Variants in PRSS23 observed in about 807,000 individuals in gnomAD.
PRSS23 encodes the protein serine protease 23.
Under a neutral mutation model 34.7 loss-of-function variants are expected in PRSS23, and 25 were observed. The observed-to-expected ratio is 0.72, with a 90% CI of 0.53 to 1.01. The LOEUF (loss-of-function observed/expected upper bound fraction) is 1.01, where lower values mean the gene tolerates loss of function less well. Among genes scored for constraint, PRSS23 ranks in the 50% least tolerant of loss-of-function variants. The pLI, the probability that PRSS23 is intolerant of heterozygous loss-of-function variation, is 0.00. For missense variants in PRSS23, 445 were observed against 475.6 expected (o/e 0.94, Z 0.60); for synonymous variants, 176 against 186.6 (o/e 0.94, Z 0.46).
At position 86,879,627 on chromosome 11, in the gene PRSS23, G is replaced by A. The variant is rs1229137647; in HGVS notation, c.206+56034G>A. ...TCTGCCCGGCCGCCCCTACTGGGAAGTGAGGAGCCCCTCTGCCCGGCCAGC... is the reference window on the plus strand; with the variant it reads ...TCTGCCCGGCCGCCCCTACTGGGAAATGAGGAGCCCCTCTGCCCGGCCAGC... On this transcript the variant is annotated intron_variant, in intron 2 of 2. Transcript: ENST00000533902. Among the ~76,000 whole-genome samples, 734 of 136,734 alleles carry A rather than the reference G, an allele frequency of 5.4e-3. 6 individuals carry two copies. Among genetic ancestry groups the A allele is most frequent in the African/African-American group, 0.018 (666 of 37,418 alleles). The allele number at this position is 136,734 out of a possible 152,430, so 89.7% of individuals were successfully genotyped here.
chr11:86,939,433 A>AAAAT (rs1565392858), intron 2 of PRSS23, among the ~76,000 whole-genome samples: 1 of 48,106 alleles, frequency 2.1e-5, no homozygotes, highest in Admixed American at 2.5e-4. Flanking sequence ...TATATTTTTT[A>AAAAT]ACATGAGTAA....
chr11:86,819,075 CT>C (rs1387137591), intron 1 of PRSS23, among the ~76,000 whole-genome samples: 1 of 152,142 alleles, frequency 6.6e-6, no homozygotes, highest in Non-Finnish European at 1.5e-5. Context: ...GAGTCCCATG[CT>C]CTCACCCATA....
chr11:86,950,763 T>C (rs1384151516), intron 2 of PRSS23: 6 of 292,250 alleles, frequency 2.1e-5, no homozygotes, highest in African/African-American at 6.4e-5. Flanking sequence ...AAAGTTAATA[T>C]TTCTCCCTGC....
At chr11:86,856,856 T>C (rs1355258705) in intron 2 of PRSS23, among the ~76,000 whole-genome samples, 1 of 152,196 alleles carries the variant, frequency 6.6e-6, no homozygotes, top group East Asian at 1.9e-4. Flanking sequence ...GATTCAGTCA[T>C]GATGTTTATG....
chr11:86,853,377 C>T (rs1383331997), intron 2 of PRSS23, among the ~76,000 whole-genome samples: 2 of 150,316 alleles, frequency 1.3e-5, no homozygotes, highest in Non-Finnish European at 1.5e-5. Context: ...CCTCAGCCTC[C>T]GGAGTAGCTG....
chr11:86,839,056 TA>T (rs36015483), intron 2 of PRSS23, among the ~76,000 whole-genome samples: 4,830 of 144,098 alleles, frequency 0.034, 236 homozygotes, highest in East Asian at 0.11. Context: ...AGCAAAAAAT[TA>T]AAAAAAAAAA....
chr11:86,823,245 A>AT, intron 1 of PRSS23: 1 of 616,140 alleles, frequency 1.6e-6, no homozygotes, highest in Non-Finnish European at 2.9e-6. Context: ...TAAAAGCATC[A>AT]TAAAAAAAAA....
intron 2 of PRSS23, among the ~76,000 whole-genome samples, chr11:86,837,865 C>A (rs902826945): frequency 6.6e-6 from 1 of 152,144 alleles, no homozygotes. Flanking sequence ...CTAGTGAGAT[C>A]GACACAGAAG....
intron 2 of PRSS23, chr11:86,936,211 T>C (rs969201851): frequency 2.0e-5 from 3 of 152,334 alleles, no homozygotes; most frequent in Non-Finnish European, 2.9e-5. Flanking sequence ...GGTGGCTTTT[T>C]CAGAGTAGCC....
chr11:86,792,775 A>T (rs1381207632), intron 1 of PRSS23, among the ~76,000 whole-genome samples: 1 of 152,218 alleles, frequency 6.6e-6, no homozygotes, highest in African/African-American at 2.4e-5. Context: ...TTCAGATATG[A>T]ACAAAGACAG....
intron 2 of PRSS23, chr11:86,947,544 T>G (rs1484766002): frequency 6.6e-6 from 1 of 152,078 alleles, no homozygotes; most frequent in Admixed American, 6.6e-5. Context: ...GTTTGGAGAG[T>G]GCAGGTGAGA....
intron 1 of PRSS23, among the ~76,000 whole-genome samples, chr11:86,791,988 T>C (rs1461416744): frequency 6.6e-6 from 1 of 152,228 alleles, no homozygotes; most frequent in Admixed American, 6.5e-5. Context: ...CATTTTCTAA[T>C]GAAATCCCTA....
At chr11:86,950,233 C>A (rs2135038234) in intron 2 of PRSS23, 1 of 152,684 alleles carries the variant, frequency 6.5e-6, no homozygotes, top group African/African-American at 2.4e-5. Flanking sequence ...TATATTAAGT[C>A]CCCACTGCTC....
chr11:86,862,320 T>C (rs1948621830), intron 2 of PRSS23, among the ~76,000 whole-genome samples: 1 of 151,874 alleles, frequency 6.6e-6, no homozygotes, highest in South Asian at 2.1e-4. Flanking sequence ...TGATATTATT[T>C]GTATCATTTT....
At chr11:86,888,419 G>A (rs1948819789) in intron 2 of PRSS23, among the ~76,000 whole-genome samples, 1 of 152,088 alleles carries the variant, frequency 6.6e-6, no homozygotes, top group Non-Finnish European at 1.5e-5. Flanking sequence ...AACAACTGGG[G>A]GTAAATCCTC....
rs1257248586 is a variant in PRSS23, at chr11:86,801,856, G to A, written c.-14+1205G>A. ...AAGTGTTTGCACCCCATCTGCGTAC[G>A]AAAAGGTTGTTTCACTTGCAGTTTT... On this transcript the variant is annotated intron_variant, in intron 1 of 1. Transcript: ENST00000280258. 5.9e-5 allele frequency among the ~76,000 whole-genome samples: 9 copies of A among 152,310 alleles called. No individual in the cohort carries two copies. In the South Asian group the frequency reaches 8.3e-4, roughly 14 times the overall value.
chr11:86,923,700 C>A (rs1264099998), intron 2 of PRSS23, among the ~76,000 whole-genome samples: 1 of 152,164 alleles, frequency 6.6e-6, no homozygotes, highest in Non-Finnish European at 1.5e-5. Context: ...CTTTTGTACA[C>A]ACTGTTATTT....
intron 1 of PRSS23, among the ~76,000 whole-genome samples, chr11:86,807,190 C>T (rs1382171833): frequency 6.6e-6 from 1 of 152,002 alleles, no homozygotes; most frequent in Non-Finnish European, 1.5e-5. Flanking sequence ...TGAAAATTTT[C>T]CAAGTACATG....
chr11:86,888,084 C>A (rs1948816197), intron 2 of PRSS23, among the ~76,000 whole-genome samples: 2 of 143,288 alleles, frequency 1.4e-5, no homozygotes, highest in South Asian at 2.3e-4. Context: ...AACACACACA[C>A]ACAATGTTAC....
Sources: gnomAD v4.1 joint callset for allele counts (sites outside exome capture counted in the v4.1 genomes callset) on GRCh38, gnomAD v4.1.1 for gene constraint, MANE v1.5 for transcripts, NCBI Gene and HGNC (gene_info 2026-07-23, HGNC 2026-07-21) for gene names.